MIB1: variants seen among roughly 807,000 people sequenced by gnomAD.
The protein encoded by MIB1 is E3 ubiquitin-protein ligase MIB1.
MIB1 carries 278 observed loss-of-function variants against 124.5 expected under a neutral mutation model. The observed-to-expected ratio is 2.23, with a 90% CI of 2.02 to 2.47. MIB1 has a LOEUF of 2.47. Ranked by LOEUF, MIB1 falls within the 30% of genes most tolerant of loss-of-function variation. The pLI is 0.00. For synonymous variants in MIB1, 446 were observed against 429.4 expected (o/e 1.04, Z -0.48); for missense variants, 957 against 1,254.4 (o/e 0.76, Z 3.58).
upstream of MIB1, among the ~76,000 whole-genome samples, chr18:21,739,006 T>G (rs2040812286): frequency 6.6e-6 from 1 of 151,902 alleles, no homozygotes; most frequent in African/African-American, 2.4e-5. Flanking sequence ...GGAGCTGTTT[T>G]TTTGAAAAAG....
intron 9 of MIB1, among the ~76,000 whole-genome samples, chr18:21,801,272 T>C (rs1287659427): frequency 1.3e-5 from 2 of 152,090 alleles, no homozygotes; most frequent in African/African-American, 4.8e-5. Flanking sequence ...CAGTGGAAGG[T>C]GAGGATTTAG....
chr18:21,758,971 T>C (rs28552930), intron 1 of MIB1, among the ~76,000 whole-genome samples: 5,005 of 152,220 alleles, frequency 0.033, 116 homozygotes, highest in East Asian at 0.068. Context: ...ACATTTAATG[T>C]ATACAAGTGA....
intron 17 of MIB1, among the ~76,000 whole-genome samples, chr18:21,850,693 T>C (rs1379920831): frequency 1.3e-5 from 2 of 152,190 alleles, no homozygotes; most frequent in Admixed American, 6.5e-5. Flanking sequence ...ATAGCACTTA[T>C]TGTGTGCCAG....
intron 12 of MIB1, among the ~76,000 whole-genome samples, chr18:21,821,402 C>T (rs2041876459): frequency 6.6e-6 from 1 of 151,980 alleles, no homozygotes; most frequent in African/African-American, 2.4e-5. Flanking sequence ...GCCCGCTTTG[C>T]CCATCGTCTA....
Position 21,721,159 on chromosome 18 carries a change from G to GTTTGTTT in MIB1, n.167+16039_167+16040insGTTTTTT, listed in dbSNP as rs2040712847. ...TGAAAGATTTAAACATTTTAAAGAA[G>GTTTGTTT]TTTTTTTTTTTTTTTTTTTTTTTTT... On this transcript the variant is annotated intron_variant and non_coding_transcript_variant, in intron 1 of 20. Coordinates refer to the MIB1 transcript ENST00000578646. Among the ~76,000 whole-genome samples the GTTTGTTT allele has an allele frequency of 2.7e-4, 8 of 29,764 alleles. 2 individuals carry two copies. The highest frequency in any genetic ancestry group is 3.6e-3 in the South Asian group (2 of 550). 19.5% of individuals were successfully genotyped at this position (29,764 alleles called of 152,430 possible). A position where few individuals can be genotyped will look rare whatever the true frequency, so the allele number is the denominator to read the frequency against.
intron 13 of MIB1, among the ~76,000 whole-genome samples, chr18:21,841,001 C>G (rs1197352957): frequency 3.3e-5 from 5 of 151,932 alleles, no homozygotes. Context: ...ATTAAGAAAA[C>G]AAATAGGAAA....
intron 1 of MIB1, among the ~76,000 whole-genome samples, chr18:21,744,709 C>T (rs898607093): frequency 1.4e-4 from 22 of 152,116 alleles, no homozygotes; most frequent in African/African-American, 5.1e-4. Context: ...TATGTATTTT[C>T]GGCAAGAATA....
rs1191171583 is a variant in MIB1 at position 21,760,615 on chromosome 18, G to A, written c.230-5157G>A. On this transcript the variant is annotated intron_variant, in intron 1 of 20. Transcript: ENST00000261537. ...ATGAATTATAGAATTTTTTTAACCA[G>A]TTGTCATGTGTGTTTAAATGGTTCC... 4.0e-5 allele frequency among the ~76,000 whole-genome samples: 6 copies of A among 148,426 alleles called. No homozygotes were observed. In the Admixed American group the frequency reaches 4.1e-4, roughly 10 times the overall value.
intron 12 of MIB1, chr18:21,826,667 A>C (rs553631922): frequency 1.3e-5 from 2 of 152,114 alleles, no homozygotes; most frequent in Non-Finnish European, 2.9e-5. Context: ...GTTGATTTCA[A>C]TGTCTTGAGA....
intron 13 of MIB1, 23 bp downstream of exon 13, chr18:21,838,520 C>G: frequency 6.5e-7 from 1 of 1,540,988 alleles, no homozygotes; most frequent in Non-Finnish European, 8.7e-7. Context: ...TTAAATAATT[C>G]CCTCTTTTTT....
intron 6 of MIB1, among the ~76,000 whole-genome samples, chr18:21,785,371 C>G (rs1308919494): frequency 6.6e-6 from 1 of 152,180 alleles, no homozygotes. Context: ...GATCTCTCGT[C>G]TCCGCCCACG....
chr18:21,810,362 A>G (rs976435329), intron 10 of MIB1, among the ~76,000 whole-genome samples: 1 of 152,130 alleles, frequency 6.6e-6, no homozygotes, highest in African/African-American at 2.4e-5. Flanking sequence ...AATCCTAAAG[A>G]TGTTTCTTGC....
At chr18:21,782,798 T>C (rs996912918) in intron 6 of MIB1, among the ~76,000 whole-genome samples, 2 of 152,186 alleles carry the variant, frequency 1.3e-5, no homozygotes, top group Non-Finnish European at 2.9e-5. Flanking sequence ...GTTTGGATTG[T>C]AGTTTAACTT....
chr18:21,716,304 A>G (rs145247740), intron 1 of MIB1, among the ~76,000 whole-genome samples: 2,381 of 152,324 alleles, frequency 0.016, 60 homozygotes, highest in African/African-American at 0.054. Context: ...TTTTTCAGAT[A>G]AACAAATGCT....
intron 1 of MIB1, among the ~76,000 whole-genome samples, chr18:21,714,467 T>C (rs1457743675): frequency 1.3e-5 from 2 of 152,174 alleles, no homozygotes; most frequent in East Asian, 1.9e-4. Context: ...TATATTTTAA[T>C]TAGCTCCCCC....
At position 21,765,822 on chromosome 18, in the gene MIB1, A is replaced by C; in HGVS notation, c.280A>C (p.Ile94Leu). The C allele has an allele frequency of 6.2e-7, 1 of 1,614,204 alleles. No individual in the cohort carries two copies. Among genetic ancestry groups the C allele is most frequent in the Non-Finnish European group, 8.5e-7 (1 of 1,180,030 alleles). ...TGATACCTGCCGCCAGCAACCAATC[A>C]TTGGCATTCGATGGAAGTGTGCAGA... is the stretch of plus-strand genomic sequence containing the variant. ...MCDTCRQQPI[I>L]GIRWKCAECT... is the part of the protein sequence containing the mutation. The change falls in exon 2 of 21, where the codon ATT becomes CTT. Residue 94 changes from isoleucine to leucine, a missense_variant. Physicochemically the swap from Ile to Leu is conservative, Grantham distance 5 (BLOSUM62 2). Transcript: ENST00000261537.
rs372697808 is a variant in MIB1, at chr18:21,844,139, G to A, written c.2097G>A (p.Gly699=). Residue 699 remains glycine (G), a synonymous_variant, in exon 15 of 21, where the codon GGG becomes GGA. Coordinates refer to ENST00000261537, the MANE Select transcript of MIB1 (RefSeq NM_020774.4). The stretch of plus-strand genomic sequence containing the variant: ...AGCTTGATATTCAGGATAAGGATGG[G>A]GATACTCCTTTGCATGAAGCTCTAA... ...GAKLDIQDKD[G]DTPLHEALRH... The A allele has an allele frequency of 6.2e-6, 10 of 1,613,952 alleles. No homozygotes were observed. In the Admixed American group the frequency reaches 1.3e-4, roughly 22 times the overall value.
chr18:21,847,030 G>A lies in MIB1; in HGVS notation c.2298G>A (p.Leu766=). 2 of 1,614,178 alleles carry A rather than the reference G, an allele frequency of 1.2e-6. No homozygotes were observed. Among genetic ancestry groups the A allele is most frequent in the Non-Finnish European group, 8.5e-7 (1 of 1,180,026 alleles). Residue 766 remains leucine (L), a synonymous_variant, in exon 16 of 21, where the codon CTG becomes CTA. Coordinates refer to ENST00000261537, the MANE Select transcript of MIB1 (RefSeq NM_020774.4). ...TCTTGGCAGCCAATGGTGCTGACCT[G>A]AGCATTCGAAATAAGAAGGGTCAAT... is the stretch of plus-strand genomic sequence containing the variant. ...ACFLAANGAD[L]SIRNKKGQSP... is the part of the protein sequence containing the mutation.
intron 6 of MIB1, among the ~76,000 whole-genome samples, chr18:21,784,036 C>T: frequency 6.6e-6 from 1 of 151,598 alleles, no homozygotes; most frequent in Middle Eastern, 3.4e-3. Flanking sequence ...AGCCACTGCA[C>T]CCAGCCTGTG....
Sources: gnomAD v4.1 joint callset for allele counts (sites outside exome capture counted in the v4.1 genomes callset) on GRCh38, gnomAD v4.1.1 for gene constraint, MANE v1.5 for transcripts, NCBI Gene and HGNC (gene_info 2026-07-23, HGNC 2026-07-21) for gene names.